The following OCA2 variants were observed in gnomAD, a reference collection of about 807,000 sequenced individuals.
The protein encoded by OCA2 is OCA2 melanosomal transmembrane protein, also known as P protein.
In OCA2, 77 loss-of-function variants were observed where a neutral mutation model predicts 100.2. The ratio of observed to expected loss-of-function variants is 0.77; its 90% CI spans 0.64 to 0.93. The LOEUF is 0.93. Ranked by LOEUF, OCA2 falls within the 40% of genes least tolerant of loss-of-function variation. OCA2 has a pLI of 0.00. For synonymous variants in OCA2, 432 were observed against 439.2 expected (o/e 0.98, Z 0.21); for missense variants, 1,062 against 1,089.1 (o/e 0.98, Z 0.35).
intron 18 of OCA2, among the ~76,000 whole-genome samples, chr15:27,946,746 C>T (rs1436427529): frequency 6.6e-6 from 1 of 152,220 alleles, no homozygotes; most frequent in Non-Finnish European, 1.5e-5. Context: ...CCTGAGACTG[C>T]CAAAGACACT....
In OCA2 at chr15:28,014,897, A is replaced by T; in HGVS notation, c.923T>A (p.Leu308Gln). ...AAGAGGGACAGCCTGGGTCTGCTGC[A>T]GGGAGGCCCGGATGCTGATGGACAC... ...ETVSISIRAS[L>Q]QQTQAVPLLM... is the part of the protein sequence containing the mutation. Residue 308 changes from leucine (L) to glutamine (Q), a missense_variant, in exon 9 of 24, where the codon CTG becomes CAG. Coordinates refer to ENST00000354638, the MANE Select transcript of OCA2 (RefSeq NM_000275.3). 1 of 1,614,190 alleles carries T rather than the reference A, an allele frequency of 6.2e-7. No homozygotes were observed. The highest frequency in any genetic ancestry group is 8.5e-7 in the Non-Finnish European group (1 of 1,180,024).
intron 18 of OCA2, chr15:27,950,594 G>A (rs1199057413): frequency 2.0e-6 from 1 of 512,226 alleles, no homozygotes; most frequent in East Asian, 5.5e-5. Context: ...ATTATCAAGA[G>A]AAAGAAATGG....
chr15:27,770,392 G>A (rs1030010810), intron 23 of OCA2, among the ~76,000 whole-genome samples: 11 of 152,174 alleles, frequency 7.2e-5, no homozygotes, highest in Non-Finnish European at 1.5e-4. Flanking sequence ...CGTGTGTGGC[G>A]CTGTCCCCGT....
At chr15:27,832,232 C>T (rs1036008989) in intron 23 of OCA2, among the ~76,000 whole-genome samples, 150 of 152,328 alleles carry the variant, frequency 9.8e-4, no homozygotes, top group Non-Finnish European at 2.6e-4. Context: ...CCCACTGGCC[C>T]CCTTTCCCCA....
At chr15:27,743,040 C>T in the OCA2 span, among the ~76,000 whole-genome samples, 3 of 152,190 alleles carry the variant, frequency 2.0e-5, no homozygotes, top group South Asian at 2.1e-4. Flanking sequence ...GTAGACATTC[C>T]GCAAGGCTCC....
chr15:28,046,370 G>C (rs977780890), intron 2 of OCA2, among the ~76,000 whole-genome samples: 1 of 152,202 alleles, frequency 6.6e-6, no homozygotes, highest in Non-Finnish European at 1.5e-5. Context: ...GCCTGAAGGG[G>C]ATAAAGGGAG....
At chr15:27,861,096 G>A (rs1595531410) in intron 21 of OCA2, among the ~76,000 whole-genome samples, 1 of 152,196 alleles carries the variant, frequency 6.6e-6, no homozygotes, top group Non-Finnish European at 1.5e-5. Context: ...CAGCAGGAGG[G>A]CATGTGGTCC....
At chr15:27,726,402 A>C in the OCA2 span, among the ~76,000 whole-genome samples, 1 of 152,130 alleles carries the variant, frequency 6.6e-6, no homozygotes, top group Non-Finnish European at 1.5e-5. Flanking sequence ...CTTGTTAAAA[A>C]AGAAATGGTT....
chr15:28,031,306 G>A (rs2042900822), intron 3 of OCA2, among the ~76,000 whole-genome samples: 1 of 152,092 alleles, frequency 6.6e-6, no homozygotes, highest in African/African-American at 2.4e-5. Flanking sequence ...TTTAAACTGG[G>A]TTCTGATATT....
the OCA2 span, among the ~76,000 whole-genome samples, chr15:27,734,193 T>C: frequency 7.2e-6 from 1 of 138,820 alleles, no homozygotes; most frequent in African/African-American, 2.7e-5. Context: ...TGGAGCCAAA[T>C]GGCAGAATGG....
intron 9 of OCA2, among the ~76,000 whole-genome samples, chr15:28,008,632 T>A (rs1267903441): frequency 6.6e-6 from 1 of 152,266 alleles, no homozygotes. Flanking sequence ...TGGTATACTC[T>A]CATGGCAAAA....
chr15:28,059,518 G>A (rs762695771), intron 2 of OCA2, among the ~76,000 whole-genome samples: 15 of 152,166 alleles, frequency 9.9e-5, no homozygotes, highest in Admixed American at 4.6e-4. Flanking sequence ...TCCAACCTGA[G>A]CGACAGAGCA....
intron 14 of OCA2, among the ~76,000 whole-genome samples, chr15:27,974,839 C>G (rs1407760215): frequency 2.6e-5 from 4 of 152,204 alleles, no homozygotes; most frequent in African/African-American, 9.6e-5. Flanking sequence ...AAAATAAGGA[C>G]AGTCCTAAGG....
chr15:27,822,432 G>C (rs928085904), intron 23 of OCA2, among the ~76,000 whole-genome samples: 3 of 152,178 alleles, frequency 2.0e-5, no homozygotes, highest in Non-Finnish European at 4.4e-5. Flanking sequence ...TGGCATTTCT[G>C]TTGGGGCTCG....
At chr15:27,788,336 T>G (rs569264501) in intron 23 of OCA2, among the ~76,000 whole-genome samples, 1 of 152,254 alleles carries the variant, frequency 6.6e-6, no homozygotes, top group Middle Eastern at 3.4e-3. Flanking sequence ...AGTCTCCATT[T>G]ATTTGTTTTG....
At chr15:27,894,824 G>A (rs1489843245) in intron 19 of OCA2, among the ~76,000 whole-genome samples, 4 of 152,092 alleles carry the variant, frequency 2.6e-5, no homozygotes, top group Non-Finnish European at 5.9e-5. Context: ...TTTTCTGCCT[G>A]GTCCCAACCC....
chr15:28,001,651 A>G (rs1194169339), intron 9 of OCA2, among the ~76,000 whole-genome samples: 1 of 152,230 alleles, frequency 6.6e-6, no homozygotes, highest in African/African-American at 2.4e-5. Flanking sequence ...TGCAGGAAAA[A>G]TGTTGCAGAG....
At chr15:28,003,881 G>A (rs1191075708) in intron 9 of OCA2, among the ~76,000 whole-genome samples, 1 of 152,216 alleles carries the variant, frequency 6.6e-6, no homozygotes, top group Non-Finnish European at 1.5e-5. Flanking sequence ...CCTCCACCGC[G>A]TCATGCTCCG....
At chr15:27,926,905 T>TG (rs1468453320) in intron 18 of OCA2, among the ~76,000 whole-genome samples, 1 of 152,030 alleles carries the variant, frequency 6.6e-6, no homozygotes, top group Non-Finnish European at 1.5e-5. Flanking sequence ...TAAGCCACCA[T>TG]GCCCCACCTG....
Sources: gnomAD v4.1 joint callset for allele counts (sites outside exome capture counted in the v4.1 genomes callset) on GRCh38, gnomAD v4.1.1 for gene constraint, MANE v1.5 for transcripts, NCBI Gene and HGNC (gene_info 2026-07-23, HGNC 2026-07-21) for gene names.